Variants in FBXL4 observed in about 807,000 individuals in gnomAD.
FBXL4 encodes the protein F-box and leucine rich repeat protein 4.
FBXL4 carries 40 observed loss-of-function variants against 58.9 expected under a neutral mutation model. That is an observed-to-expected ratio of 0.68 (90% CI 0.53 to 0.88). The LOEUF is 0.88. FBXL4 is among the 40% of genes least tolerant of loss of function. FBXL4 has a pLI of 0.00. For synonymous variants in FBXL4, 263 were observed against 265.5 expected (o/e 0.99, Z 0.09); for missense variants, 676 against 734.4 (o/e 0.92, Z 0.92).
chr6:98,882,965 G>A (rs907789759), intron 7 of FBXL4, among the ~76,000 whole-genome samples: 4 of 151,930 alleles, frequency 2.6e-5, no homozygotes, highest in African/African-American at 7.2e-5. Flanking sequence ...CACACCAGAA[G>A]GAGAATTTCC....
chr6:98,940,072 AGT>A (rs745756607), intron 1 of FBXL4, among the ~76,000 whole-genome samples: 2 of 152,216 alleles, frequency 1.3e-5, no homozygotes, highest in African/African-American at 4.8e-5. Context: ...ACATTCTGTA[AGT>A]GTGTGACTAC....
intron 5 of FBXL4, among the ~76,000 whole-genome samples, chr6:98,913,034 C>T (rs1031655293): frequency 2.0e-5 from 3 of 151,914 alleles, no homozygotes; most frequent in Non-Finnish European, 4.4e-5. Context: ...ATCCTAGTCT[C>T]TGATAAAACA....
At chr6:98,932,062 AT>A (rs1477608221) in intron 2 of FBXL4, among the ~76,000 whole-genome samples, 1 of 152,244 alleles carries the variant, frequency 6.6e-6, no homozygotes, top group African/African-American at 2.4e-5. Flanking sequence ...ATAAATAAAT[AT>A]TAGTCAGGAA....
chr6:98,913,264 C>G, intron 5 of FBXL4, among the ~76,000 whole-genome samples: 1 of 152,072 alleles, frequency 6.6e-6, no homozygotes, highest in Non-Finnish European at 1.5e-5. Context: ...TTAGACAGAT[C>G]AACGAGACAG....
intron 1 of FBXL4, among the ~76,000 whole-genome samples, chr6:98,937,484 A>G (rs1773265224): frequency 6.6e-6 from 1 of 152,178 alleles, no homozygotes; most frequent in Admixed American, 6.5e-5. Flanking sequence ...TAAGGAAGAG[A>G]AAATATATTG....
intron 6 of FBXL4, among the ~76,000 whole-genome samples, chr6:98,903,437 T>C (rs938999612): frequency 2.0e-5 from 3 of 152,142 alleles, no homozygotes; most frequent in South Asian, 4.1e-4. Flanking sequence ...ATTTATGATT[T>C]TACTGGCTGA....
Position 98,874,038 on chromosome 6 carries a change from C to T in FBXL4, c.*240G>A, listed in dbSNP as rs1269097335. Reference sequence around the variant, plus strand: ...TCATATTATTGACTAAAGCATATCACTGATTAACATAAGGTAAAAATAATA... The same window carrying T: ...TCATATTATTGACTAAAGCATATCATTGATTAACATAAGGTAAAAATAATA... On this transcript the variant is annotated 3_prime_UTR_variant, in exon 10 of 10. Coordinates refer to ENST00000369244, the MANE Select transcript of FBXL4 (RefSeq NM_001278716.2). 1 of 329,618 alleles carries T rather than the reference C, an allele frequency of 3.0e-6. No homozygotes were observed. The highest frequency in any genetic ancestry group is 5.4e-6 in the Non-Finnish European group (1 of 184,138). The allele number at this position is 329,618 out of a possible 1,614,324, so 20.4% of individuals were successfully genotyped here. A position where few individuals can be genotyped will look rare whatever the true frequency, so the allele number is the denominator to read the frequency against.
At chr6:98,880,528 G>A (rs770984930) in intron 8 of FBXL4, 25 bp downstream of exon 8, 9 of 1,589,192 alleles carry the variant, frequency 5.7e-6, no homozygotes, top group South Asian at 1.1e-5. Context: ...TAATTGAGTA[G>A]TATAAAGAAT....
intron 2 of FBXL4, among the ~76,000 whole-genome samples, chr6:98,932,700 C>G (rs1011321307): frequency 1.3e-5 from 2 of 152,000 alleles, no homozygotes; most frequent in Non-Finnish European, 2.9e-5. Context: ...AGAGCCAGGA[C>G]AGCGTAAAGG....
rs150937096 is a variant in FBXL4 at position 98,940,868 on chromosome 6, G to A, written c.-308-5989C>T. The stretch of plus-strand genomic sequence containing the variant: ...AACCCTGAGAAAGTATTTCATCTTA[G>A]ACCTGGGAAGTATTTGCTCTTAAGG... On this transcript the variant is annotated intron_variant, in intron 1 of 9. Transcript: ENST00000369244. Among the ~76,000 whole-genome samples the A allele has an allele frequency of 2.9e-4, 44 of 152,212 alleles. 1 individual carries two copies. In the East Asian group the frequency reaches 7.9e-3, roughly 27 times the overall value.
chr6:98,899,172 A>C (rs940585029), intron 7 of FBXL4, 96 bp downstream of exon 7: 29 of 1,526,244 alleles, frequency 1.9e-5, no homozygotes, highest in Non-Finnish European at 2.4e-5. Flanking sequence ...AACTTGATTT[A>C]AAAATAAAAA....
chr6:98,877,258 T>A (rs1770694870), intron 8 of FBXL4, among the ~76,000 whole-genome samples: 1 of 152,062 alleles, frequency 6.6e-6, no homozygotes. Flanking sequence ...TCTCCTTACG[T>A]GAGTATACCT....
chr6:98,871,841 T>C lies in FBXL4; in HGVS notation c.*2437A>G, dbSNP rs1357623846. The C allele has an allele frequency of 1.3e-5, 2 of 152,200 alleles. No individual in the cohort carries two copies. The highest frequency in any genetic ancestry group is 2.9e-5 in the Non-Finnish European group (2 of 68,030). 9.4% of individuals were successfully genotyped at this position (152,200 alleles called of 1,614,324 possible). A position where few individuals can be genotyped will look rare whatever the true frequency, so the allele number is the denominator to read the frequency against. On this transcript the variant is annotated 3_prime_UTR_variant, in exon 10 of 10. Coordinates refer to ENST00000369244, the MANE Select transcript of FBXL4 (RefSeq NM_001278716.2). ...ATTGGCATAATAGTGTTAGTTCTATTGTGAGCTTTTGCGTTCAGGGCTGAT... is the reference window on the plus strand; with the variant it reads ...ATTGGCATAATAGTGTTAGTTCTATCGTGAGCTTTTGCGTTCAGGGCTGAT...
intron 1 of FBXL4, among the ~76,000 whole-genome samples, chr6:98,944,704 G>T (rs912084305): frequency 5.3e-5 from 8 of 152,118 alleles, no homozygotes; most frequent in African/African-American, 1.9e-4. Context: ...TGTTTACCAT[G>T]TGGGAAAATA....
At chr6:98,935,779 G>C (rs937523437) in intron 1 of FBXL4, among the ~76,000 whole-genome samples, 2 of 122,100 alleles carry the variant, frequency 1.6e-5, no homozygotes, top group African/African-American at 7.2e-5. Context: ...CTGGGCGACA[G>C]AGCGAGACTC....
intron 1 of FBXL4, among the ~76,000 whole-genome samples, chr6:98,937,523 A>C (rs114879766): frequency 0.017 from 2,522 of 152,280 alleles, 65 homozygotes; most frequent in African/African-American, 0.057. Flanking sequence ...GTGAATCACC[A>C]CAAAGGTCTT....
intron 1 of FBXL4, among the ~76,000 whole-genome samples, chr6:98,947,288 CT>C (rs1773657406): frequency 6.6e-6 from 1 of 152,230 alleles, no homozygotes; most frequent in African/African-American, 2.4e-5. Flanking sequence ...AGGGGCACCC[CT>C]AAACCTAAAC....
intron 1 of FBXL4, among the ~76,000 whole-genome samples, chr6:98,937,740 A>C (rs765702517): frequency 6.6e-6 from 1 of 152,232 alleles, no homozygotes; most frequent in African/African-American, 2.4e-5. Context: ...ATCTCTATAC[A>C]GTACCAATCC....
chr6:98,918,206 ATT>A (rs968862978), intron 4 of FBXL4, among the ~76,000 whole-genome samples: 31 of 152,070 alleles, frequency 2.0e-4, no homozygotes, highest in African/African-American at 4.8e-5. Context: ...TTATCAAATC[ATT>A]GTTTCATCAA....
Sources: allele counts gnomAD v4.1 joint callset (sites outside exome capture counted in the v4.1 genomes callset), GRCh38; gene constraint gnomAD v4.1.1; transcripts MANE v1.5; gene names NCBI Gene and HGNC (gene_info 2026-07-23, HGNC 2026-07-21).